TUSC3: variants seen among roughly 807,000 people sequenced by gnomAD.
The protein encoded by TUSC3 is tumor suppressor candidate 3.
Under a neutral mutation model 44.8 loss-of-function variants are expected in TUSC3, and 45 were observed. The observed-to-expected ratio is 1.00, with a 90% CI of 0.79 to 1.29. The LOEUF (loss-of-function observed/expected upper bound fraction) is 1.29, where lower values mean the gene tolerates loss of function less well. Among genes scored for constraint, TUSC3 ranks in the 50% most tolerant of loss-of-function variants. The pLI is 0.00. For synonymous variants in TUSC3, 212 were observed against 152.9 expected, an observed-to-expected ratio of 1.39 and a Z score of -2.85; for missense variants, 519 against 437.9, an observed-to-expected ratio of 1.19 and a Z score of -1.65.
chr8:15,794,630 A>G, the TUSC3 span, among the ~76,000 whole-genome samples: 1 of 152,212 alleles, frequency 6.6e-6, no homozygotes, highest in African/African-American at 2.4e-5. Flanking sequence ...TTCTGGTTTC[A>G]TAAATGCCAG....
At chr8:15,424,602 T>C (rs187049527) in intron 1 of TUSC3, among the ~76,000 whole-genome samples, 282 of 152,250 alleles carry the variant, frequency 1.9e-3, no homozygotes, top group African/African-American at 6.5e-3. Flanking sequence ...CGTTAGTGGC[T>C]GGATGCGGTG....
chr8:15,616,681 G>A (rs1047170904), intron 1 of TUSC3, among the ~76,000 whole-genome samples: 3 of 152,204 alleles, frequency 2.0e-5, no homozygotes, highest in African/African-American at 7.2e-5. Context: ...TGTGCTGTGG[G>A]TGGCAGGAAG....
chr8:15,660,688 C>T (rs1174447697), intron 4 of TUSC3, among the ~76,000 whole-genome samples: 3 of 151,706 alleles, frequency 2.0e-5, no homozygotes, highest in Non-Finnish European at 4.4e-5. Flanking sequence ...GTTTTAATGA[C>T]ATTTTGGTGA....
At chr8:15,571,580 T>A (rs1485308915) in intron 1 of TUSC3, among the ~76,000 whole-genome samples, 1 of 152,176 alleles carries the variant, frequency 6.6e-6, no homozygotes, top group Non-Finnish European at 1.5e-5. Flanking sequence ...TGATGGCTAC[T>A]GACCAATAAG....
intron 6 of TUSC3, among the ~76,000 whole-genome samples, chr8:15,695,983 G>C (rs773053166): frequency 3.3e-5 from 5 of 152,184 alleles, no homozygotes; most frequent in African/African-American, 4.8e-5. Context: ...AAAATTTGCA[G>C]CCTGACAAGG....
downstream of TUSC3, among the ~76,000 whole-genome samples, chr8:15,771,296 A>G (rs959606396): frequency 5.3e-5 from 8 of 152,314 alleles, no homozygotes; most frequent in Admixed American, 2.0e-4. Flanking sequence ...TACAAATTCA[A>G]TTTCCTATTA....
chr8:15,788,299 C>T, the TUSC3 span, among the ~76,000 whole-genome samples: 2 of 152,074 alleles, frequency 1.3e-5, no homozygotes, highest in African/African-American at 4.8e-5. Context: ...GTAATCCCAG[C>T]ACTTGAAGAG....
chr8:15,802,510 C>T, the TUSC3 span, among the ~76,000 whole-genome samples: 1 of 152,152 alleles, frequency 6.6e-6, no homozygotes, highest in South Asian at 2.1e-4. Flanking sequence ...CAACCTCTGC[C>T]TCCCGGGTTC....
intron 1 of TUSC3, among the ~76,000 whole-genome samples, chr8:15,462,229 A>C (rs1271797049): frequency 6.6e-6 from 1 of 152,124 alleles, no homozygotes; most frequent in East Asian, 1.9e-4. Context: ...TGTAATCATC[A>C]CCATTCTATG....
chr8:15,632,865 A>G (rs954154264), intron 2 of TUSC3, among the ~76,000 whole-genome samples: 9 of 152,124 alleles, frequency 5.9e-5, no homozygotes, highest in Middle Eastern at 3.2e-3. Flanking sequence ...CTCCTATATC[A>G]TAGTGTATCT....
chr8:15,438,818 C>T (rs1379651484), intron 1 of TUSC3, among the ~76,000 whole-genome samples: 1 of 152,132 alleles, frequency 6.6e-6, no homozygotes, highest in East Asian at 1.9e-4. Flanking sequence ...CAGATATTAT[C>T]CCCATCTCAA....
chr8:15,675,077 C>T (rs1287594924), intron 6 of TUSC3, among the ~76,000 whole-genome samples: 1 of 151,880 alleles, frequency 6.6e-6, no homozygotes, highest in Non-Finnish European at 1.5e-5. Flanking sequence ...CATAATTTAT[C>T]GAATGTGTTA....
chr8:15,683,618 TG>T (rs1388893317), intron 6 of TUSC3, among the ~76,000 whole-genome samples: 1 of 152,184 alleles, frequency 6.6e-6, no homozygotes. Context: ...GTCCAGGTTC[TG>T]AATTTATATC....
chr8:15,638,094 GT>G (rs1806172683), intron 2 of TUSC3, among the ~76,000 whole-genome samples: 1 of 152,036 alleles, frequency 6.6e-6, no homozygotes, highest in Admixed American at 6.6e-5. Flanking sequence ...TGCCCACCAT[GT>G]TATAGACCTG....
rs1296738398 is a variant in TUSC3, at chr8:15,474,508, C to CA, written n.92-8876dup. On this transcript the variant is annotated intron_variant and non_coding_transcript_variant, in intron 1 of 5. Coordinates refer to the TUSC3 transcript ENST00000503191. ...TCCGTTCAGAGTCCCTGACTTCCTG[C>CA]AACAATAAAGTAGATTGCTGACACA... Among the ~76,000 whole-genome samples, 25 of 152,060 alleles carry CA rather than the reference C, an allele frequency of 1.6e-4. 1 individual carries two copies. Among genetic ancestry groups the CA allele is most frequent in the Admixed American group, 1.5e-3 (23 of 15,272 alleles).
chr8:15,760,756 A>T (rs1005685243), intron 10 of TUSC3, among the ~76,000 whole-genome samples: 4 of 152,192 alleles, frequency 2.6e-5, no homozygotes, highest in Admixed American at 6.6e-5. Context: ...ACAAAGTTTA[A>T]AATACTTAAC....
the TUSC3 span, among the ~76,000 whole-genome samples, chr8:15,775,309 A>G: frequency 3.3e-5 from 5 of 152,200 alleles, no homozygotes; most frequent in East Asian, 3.9e-4. Flanking sequence ...GATGAGGGGT[A>G]GGATGGGGAG....
At chr8:15,447,648 C>G (rs1026657380) in intron 1 of TUSC3, among the ~76,000 whole-genome samples, 1 of 150,024 alleles carries the variant, frequency 6.7e-6, no homozygotes, top group African/African-American at 2.4e-5. Context: ...TGTTTCAGAA[C>G]TATAGGCTAA....
intron 2 of TUSC3, among the ~76,000 whole-genome samples, chr8:15,510,636 T>C (rs1801120367): frequency 6.6e-6 from 1 of 152,146 alleles, no homozygotes; most frequent in South Asian, 2.1e-4. Context: ...GATGGCTCTC[T>C]TGATAAATCT....
Sources: allele counts gnomAD v4.1 joint callset (sites outside exome capture counted in the v4.1 genomes callset), GRCh38; gene constraint gnomAD v4.1.1; transcripts MANE v1.5; gene names NCBI Gene and HGNC (gene_info 2026-07-23, HGNC 2026-07-21).